The following HMCN1 variants were observed in gnomAD, a reference collection of about 807,000 sequenced individuals.
HMCN1 encodes the protein hemicentin 1.
A neutral mutation model predicts 625.9 loss-of-function variants in HMCN1; 321 were observed. That is an observed-to-expected ratio of 0.51 (90% CI 0.47 to 0.56). The LOEUF (loss-of-function observed/expected upper bound fraction) is 0.56. Ranked by LOEUF, HMCN1 falls within the 20% of genes least tolerant of loss-of-function variation. The probability of loss-of-function intolerance (pLI) is 0.00; values close to 1 mark genes in which losing one functional copy is unlikely to be tolerated. For synonymous variants in HMCN1, 2,425 were observed against 2,417.6 expected (o/e 1.00, Z -0.09); for missense variants, 6,588 against 6,887.3 (o/e 0.96, Z 1.54).
intron 4 of HMCN1, among the ~76,000 whole-genome samples, chr1:185,867,884 C>T (rs1663363313): frequency 6.6e-6 from 1 of 152,028 alleles, no homozygotes; most frequent in Non-Finnish European, 1.5e-5. Flanking sequence ...GCCTGGCCAA[C>T]ATGGTGAAAA....
intron 1 of HMCN1, among the ~76,000 whole-genome samples, chr1:185,747,203 ACT>A (rs2102083158): frequency 6.6e-6 from 1 of 152,208 alleles, no homozygotes; most frequent in South Asian, 2.1e-4. Context: ...TAGACTCTAA[ACT>A]CTGATCTCTT....
chr1:186,010,453 T>TC (rs1653926832), intron 30 of HMCN1, among the ~76,000 whole-genome samples: 1 of 152,188 alleles, frequency 6.6e-6, no homozygotes, highest in Non-Finnish European at 1.5e-5. Context: ...TTTTCTCATT[T>TC]TCGTAAATAC....
intron 53 of HMCN1, among the ~76,000 whole-genome samples, 191 bp from the exon 54 acceptor site, chr1:186,076,237 T>C (rs1367482462): frequency 6.6e-6 from 1 of 152,142 alleles, no homozygotes; most frequent in Non-Finnish European, 1.5e-5. Context: ...GTTCTTCCAC[T>C]TGACAACCAG....
chr1:186,056,843 T>C (rs951433183), intron 45 of HMCN1, among the ~76,000 whole-genome samples: 1 of 151,742 alleles, frequency 6.6e-6, no homozygotes, highest in African/African-American at 2.4e-5. Flanking sequence ...AGCCTCAGCA[T>C]CACAGAATAT....
intron 36 of HMCN1, among the ~76,000 whole-genome samples, chr1:186,030,864 T>C (rs1655384238): frequency 6.6e-6 from 1 of 151,902 alleles, no homozygotes; most frequent in Non-Finnish European, 1.5e-5. Context: ...AGTATTATAA[T>C]TAGAATCTTA....
chr1:186,095,350 G>T lies in HMCN1; in HGVS notation c.10402G>T (p.Ala3468Ser). 6.2e-7 allele frequency: 1 copy of T among 1,613,658 alleles called. No homozygotes were observed. Among genetic ancestry groups the T allele is most frequent in the East Asian group, 2.2e-5 (1 of 44,854 alleles). The change falls in exon 68 of 107, where the codon GCC (alanine) becomes TCC (serine). Residue 3468 changes from alanine to serine, a missense_variant. Ala to Ser is a moderately conservative substitution (Grantham distance 99). Coordinates refer to ENST00000271588, the MANE Select transcript of HMCN1 (RefSeq NM_031935.3). ...TGATGGAACCCCAGCTCCCAGTATG[G>T]CCTGGCTTAGAGATGGCCAGCCTCT... ...ITDGTPAPSMAWLRDGQPLGL... is the reference protein window; with the variant it reads ...ITDGTPAPSMSWLRDGQPLGL...
At chr1:185,751,097 G>T (rs1396007813) in intron 1 of HMCN1, among the ~76,000 whole-genome samples, 3 of 151,920 alleles carry the variant, frequency 2.0e-5, no homozygotes, top group Non-Finnish European at 4.4e-5. Context: ...TTTGTTTGTT[G>T]ATTTCTTTAC....
In HMCN1 at chr1:185,970,430, T is replaced by C; in HGVS notation, c.2308T>C (p.Tyr770His). ...AACACAAGATCTGGATGCTGGCGAT[T>C]ATACCTGTGTAGCCATCAATGAGGC... The part of the protein sequence containing the change: ...QETQDLDAGD[Y>H]TCVAINEAGR... Residue 770 changes from tyrosine to histidine, a missense_variant, in exon 15 of 107, where the codon TAT becomes CAT. By Grantham distance (83) the Tyr-to-His change is moderately conservative. Transcript: ENST00000271588. 1 of 1,613,762 alleles carries C rather than the reference T, an allele frequency of 6.2e-7. No homozygotes were observed. The highest frequency in any genetic ancestry group is 8.5e-7 in the Non-Finnish European group (1 of 1,179,648).
intron 36 of HMCN1, among the ~76,000 whole-genome samples, chr1:186,023,513 A>G (rs1486228822): frequency 6.6e-6 from 1 of 152,100 alleles, no homozygotes; most frequent in Non-Finnish European, 1.5e-5. Flanking sequence ...TTGCCTGCCT[A>G]TAAGAAGGAT....
intron 19 of HMCN1, 79 bp downstream of exon 19, chr1:185,984,392 T>C (rs1016878434): frequency 3.8e-6 from 5 of 1,304,836 alleles, no homozygotes; most frequent in Non-Finnish European, 5.6e-6. Context: ...AATAACTCTG[T>C]TCCTCTAATT....
chr1:185,926,702 G>T (rs1667294795), intron 9 of HMCN1, among the ~76,000 whole-genome samples: 1 of 152,130 alleles, frequency 6.6e-6, no homozygotes, highest in African/African-American at 2.4e-5. Context: ...AGTGATGATA[G>T]ACTGATACCC....
intron 1 of HMCN1, among the ~76,000 whole-genome samples, chr1:185,829,313 C>T (rs369349087): frequency 6.6e-6 from 1 of 151,186 alleles, no homozygotes; most frequent in Admixed American, 6.6e-5. Flanking sequence ...AAGGGGGATA[C>T]GTGTACAGAA....
intron 4 of HMCN1, among the ~76,000 whole-genome samples, chr1:185,890,186 T>A (rs532381567): frequency 6.7e-6 from 1 of 148,314 alleles, no homozygotes; most frequent in African/African-American, 2.7e-5. Flanking sequence ...TTGCGTCTAT[T>A]TGAGTCTTCT....
At chr1:186,009,468 C>T (rs1427338284) in intron 30 of HMCN1, among the ~76,000 whole-genome samples, 1 of 151,762 alleles carries the variant, frequency 6.6e-6, no homozygotes, top group Non-Finnish European at 1.5e-5. Context: ...TGTGAAAATG[C>T]TTTTGTTCTT....
intron 100 of HMCN1, among the ~76,000 whole-genome samples, chr1:186,169,125 C>A (rs556402025): frequency 1.3e-5 from 2 of 152,204 alleles, no homozygotes; most frequent in East Asian, 3.9e-4. Flanking sequence ...CATAGTATTC[C>A]GTGGTGTATA....
chr1:185,833,208 T>C (rs1660971790), intron 1 of HMCN1, among the ~76,000 whole-genome samples: 1 of 152,236 alleles, frequency 6.6e-6, no homozygotes, highest in African/African-American at 2.4e-5. Context: ...CATCTGATAA[T>C]GTTCGATTCT....
chr1:185,931,930 G>T (rs1667572394), intron 10 of HMCN1, among the ~76,000 whole-genome samples: 1 of 152,106 alleles, frequency 6.6e-6, no homozygotes, highest in Non-Finnish European at 1.5e-5. Context: ...CTAATTAGGG[G>T]TAGAACTAGG....
intron 11 of HMCN1, among the ~76,000 whole-genome samples, chr1:185,943,910 A>T (rs1055535164): frequency 1.3e-5 from 2 of 152,130 alleles, no homozygotes; most frequent in Non-Finnish European, 2.9e-5. Flanking sequence ...CACTCAGGAG[A>T]TTCCAAGGGT....
intron 6 of HMCN1, among the ~76,000 whole-genome samples, chr1:185,918,164 G>C (rs143885527): frequency 6.6e-6 from 1 of 152,122 alleles, no homozygotes; most frequent in Admixed American, 6.5e-5. Context: ...GAAAGAAGCC[G>C]GTAGTGACTC....
Sources: gnomAD v4.1 joint callset for allele counts (sites outside exome capture counted in the v4.1 genomes callset) on GRCh38, gnomAD v4.1.1 for gene constraint, MANE v1.5 for transcripts, NCBI Gene and HGNC (gene_info 2026-07-23, HGNC 2026-07-21) for gene names.